The following STAMBPL1 variants were observed in gnomAD, a reference collection of about 807,000 sequenced individuals.
STAMBPL1 encodes the protein STAM binding protein like 1.
Under a neutral mutation model 52.9 loss-of-function variants are expected in STAMBPL1, and 44 were observed. The observed-to-expected ratio is 0.83, with a 90% CI of 0.65 to 1.07. The LOEUF is 1.07. Among genes scored for constraint, STAMBPL1 ranks in the 50% least tolerant of loss-of-function variants. The probability of loss-of-function intolerance (pLI) is 0.00; values close to 1 mark genes in which losing one functional copy is unlikely to be tolerated. For missense variants in STAMBPL1, 511 were observed against 520.8 expected, an observed-to-expected ratio of 0.98 and a Z score of 0.18; for synonymous variants, 164 against 177.3, an observed-to-expected ratio of 0.92 and a Z score of 0.60.
chr10:88,915,826 A>C (rs914899960), intron 7 of STAMBPL1, among the ~76,000 whole-genome samples: 4 of 152,118 alleles, frequency 2.6e-5, no homozygotes, highest in Admixed American at 6.6e-5. Flanking sequence ...CTGAGAAGTG[A>C]TGTTTGAGCT....
chr10:88,916,284 C>T (rs1845367401), intron 7 of STAMBPL1, among the ~76,000 whole-genome samples: 1 of 151,856 alleles, frequency 6.6e-6, no homozygotes, highest in Non-Finnish European at 1.5e-5. Flanking sequence ...AATTATTTAA[C>T]TAGTGTCTCC....
intron 3 of STAMBPL1, 121 bp from the exon 4 acceptor site, chr10:88,908,581 A>G (rs983238535): frequency 2.6e-6 from 2 of 773,780 alleles, no homozygotes; most frequent in Non-Finnish European, 2.1e-6. Context: ...GCAAGACTGA[A>G]GGTAAATGAA....
Position 88,917,601 on chromosome 10 carries a change from T to C in STAMBPL1, c.1041+784T>C, listed in dbSNP as rs879910364. ...AATGAGATACTATTGGTGAGTTTCA[T>C]AGCACATTTTTTGAGGGACTCAGAA... On this transcript the variant is annotated intron_variant, in intron 8 of 10. Coordinates refer to ENST00000371926, the MANE Select transcript of STAMBPL1 (RefSeq NM_020799.4). Among the ~76,000 whole-genome samples the C allele has an allele frequency of 2.6e-5, 4 of 152,190 alleles. 1 individual carries two copies. The highest frequency in any genetic ancestry group is 5.9e-5 in the Non-Finnish European group (4 of 68,020).
At position 88,923,353 on chromosome 10, in the gene STAMBPL1, A is replaced by G; in HGVS notation, c.*129A>G. The G allele has an allele frequency of 1.4e-6, 2 of 1,399,156 alleles. No homozygotes were observed. Among genetic ancestry groups the G allele is most frequent in the Non-Finnish European group, 1.9e-6 (2 of 1,080,592 alleles). 86.7% of individuals were successfully genotyped at this position (1,399,156 alleles called of 1,614,324 possible). On this transcript the variant is annotated 3_prime_UTR_variant, in exon 11 of 11. Coordinates refer to ENST00000371926, the MANE Select transcript of STAMBPL1 (RefSeq NM_020799.4). ...TATACATTTTAGATGACAAAGCTTG[A>G]TATTTATTGCTGTTGCACATTTTAA... is the stretch of plus-strand genomic sequence containing the variant.
At chr10:88,920,767 A>T (rs141309712) in intron 8 of STAMBPL1, among the ~76,000 whole-genome samples, 1 of 152,126 alleles carries the variant, frequency 6.6e-6, no homozygotes, top group Non-Finnish European at 1.5e-5. Context: ...GGAAATGACA[A>T]TCCACAAAAG....
intron 8 of STAMBPL1, among the ~76,000 whole-genome samples, chr10:88,920,745 C>T (rs1845489229): frequency 6.6e-6 from 1 of 152,116 alleles, no homozygotes; most frequent in South Asian, 2.1e-4. Context: ...GTCTCCCATT[C>T]TCCCATTTAT....
intron 4 of STAMBPL1, among the ~76,000 whole-genome samples, chr10:88,909,598 T>G (rs1443059475): frequency 6.6e-6 from 1 of 152,020 alleles, no homozygotes; most frequent in Non-Finnish European, 1.5e-5. Flanking sequence ...TCATCTACAT[T>G]ATTTATTTAT....
At chr10:88,887,502 A>G (rs2133121617) in intron 1 of STAMBPL1, among the ~76,000 whole-genome samples, 1 of 152,270 alleles carries the variant, frequency 6.6e-6, no homozygotes, top group South Asian at 2.1e-4. Flanking sequence ...ATGATTATTC[A>G]AAAGGTTTGG....
At chr10:88,902,576 C>CTT (rs200481272) in intron 2 of STAMBPL1, among the ~76,000 whole-genome samples, 4 of 147,066 alleles carry the variant, frequency 2.7e-5, no homozygotes, top group Admixed American at 6.8e-5. Flanking sequence ...AATGTTTTTT[C>CTT]TTTTTTTTTT....
At position 88,914,560 on chromosome 10, in the gene STAMBPL1, G is replaced by A; in HGVS notation, c.805G>A (p.Val269Ile). The change falls in exon 7 of 11, where the codon GTA (valine) becomes ATA (isoleucine). Residue 269 changes from valine to isoleucine, a missense_variant. Physicochemically the swap from Val to Ile is conservative, Grantham distance 29. Around this residue, in one of 3 missense-constraint regions of STAMBPL1, gnomAD observed 358 missense variants for 343.5 expected, o/e 1.04. Coordinates refer to ENST00000371926, the MANE Select transcript of STAMBPL1 (RefSeq NM_020799.4). ...TTTAGTGGTTGAAGGACTGCGATGTGTAGTTTTGCCAGAAGATCTTTGCCA... is the reference window on the plus strand; with the variant it reads ...TTTAGTGGTTGAAGGACTGCGATGTATAGTTTTGCCAGAAGATCTTTGCCA... ...QNLVVEGLRC[V>I]VLPEDLCHKF... is the part of the protein sequence containing the mutation. The A allele has an allele frequency of 1.3e-6, 2 of 1,537,688 alleles. No individual in the cohort carries two copies. Among genetic ancestry groups the A allele is most frequent in the East Asian group, 2.5e-5 (1 of 39,904 alleles).
At position 88,906,192 on chromosome 10, in the gene STAMBPL1, T is replaced by C. The variant is rs78581449; in HGVS notation, c.248+532T>C. 3.5e-3 allele frequency among the ~76,000 whole-genome samples: 535 copies of C among 152,342 alleles called. 9 individuals are homozygous for C. In the East Asian group the frequency reaches 0.057, roughly 16 times the overall value. ...ACTTATTATTTCTTTTTAAAAAACA[T>C]TTTATTTGGCTATTAAGAACACTAT... On this transcript the variant is annotated intron_variant, in intron 3 of 10. Coordinates refer to ENST00000371926, the MANE Select transcript of STAMBPL1 (RefSeq NM_020799.4).
chr10:88,898,667 A>C (rs1005983872), intron 1 of STAMBPL1, among the ~76,000 whole-genome samples: 1 of 152,026 alleles, frequency 6.6e-6, no homozygotes, highest in African/African-American at 2.4e-5. Context: ...AATTTAATAA[A>C]CTCTGATGTT....
chr10:88,914,421 G>A, intron 6 of STAMBPL1, 113 bp from the exon 7 acceptor site: 1 of 767,098 alleles, frequency 1.3e-6, no homozygotes, highest in Non-Finnish European at 1.8e-6. Context: ...TGGAACACCT[G>A]ATACTTTTAT....
intron 1 of STAMBPL1, among the ~76,000 whole-genome samples, chr10:88,896,742 G>A (rs1179440379): frequency 6.6e-6 from 1 of 152,128 alleles, no homozygotes; most frequent in African/African-American, 2.4e-5. Flanking sequence ...TTAGGAGACC[G>A]TTCACTGCCT....
intron 3 of STAMBPL1, 75 bp from the exon 4 acceptor site, chr10:88,908,627 C>T (rs1481732693): frequency 3.3e-6 from 4 of 1,226,814 alleles, no homozygotes; most frequent in Non-Finnish European, 4.7e-6. Flanking sequence ...AAAAAGGATC[C>T]TCATTCCCTT....
intron 3 of STAMBPL1, among the ~76,000 whole-genome samples, chr10:88,907,894 A>G (rs535559506): frequency 6.6e-6 from 1 of 152,336 alleles, no homozygotes; most frequent in East Asian, 1.9e-4. Context: ...TGATTTACAG[A>G]ATCAGTAAGT....
intron 1 of STAMBPL1, among the ~76,000 whole-genome samples, chr10:88,892,816 G>A (rs1844721667): frequency 6.6e-6 from 1 of 152,154 alleles, no homozygotes; most frequent in South Asian, 2.1e-4. Flanking sequence ...AGTCCATTTT[G>A]TAGAACTACT....
At chr10:88,887,987 A>G (rs1309316114) in intron 1 of STAMBPL1, among the ~76,000 whole-genome samples, 1 of 152,188 alleles carries the variant, frequency 6.6e-6, no homozygotes, top group Non-Finnish European at 1.5e-5. Context: ...AGACAGTTTC[A>G]TGTAATAATA....
chr10:88,917,347 A>C lies in STAMBPL1; in HGVS notation c.1041+530A>C, dbSNP rs533559176. On this transcript the variant is annotated intron_variant, in intron 8 of 10. Coordinates refer to ENST00000371926, the MANE Select transcript of STAMBPL1 (RefSeq NM_020799.4). ...AGACAGGCAAACGATGTATGGGATC[A>C]CTGTACAAACAGCCACATAGTAAGG... is the stretch of plus-strand genomic sequence containing the variant. 1.1e-4 allele frequency among the ~76,000 whole-genome samples: 16 copies of C among 152,272 alleles called. No homozygotes were observed. In the South Asian group the frequency reaches 2.9e-3, roughly 28 times the overall value.
Sources: allele counts gnomAD v4.1 joint callset (sites outside exome capture counted in the v4.1 genomes callset), GRCh38; gene constraint gnomAD v4.1.1; regional missense constraint gnomAD v4.1.1; transcripts MANE v1.5; gene names NCBI Gene and HGNC (gene_info 2026-07-23, HGNC 2026-07-21).